DLC1: variants seen among roughly 807,000 people sequenced by gnomAD.
The protein encoded by DLC1 is DLC1 Rho GTPase activating protein.
DLC1 carries 54 observed loss-of-function variants against 140.3 expected under a neutral mutation model. That is an observed-to-expected ratio of 0.38 (90% CI 0.31 to 0.48). The LOEUF is 0.48. DLC1 is among the 20% of genes least tolerant of loss of function. The pLI, the probability that DLC1 is intolerant of heterozygous loss-of-function variation, is 0.96. For missense variants in DLC1, 2,536 were observed against 1,907.0 expected (o/e 1.33, Z -6.14); for synonymous variants, 986 against 728.1 (o/e 1.35, Z -5.70).
intron 5 of DLC1, among the ~76,000 whole-genome samples, chr8:13,240,998 GAGAAGGGGAATAAATCCTGAAGAC>G (rs1829522398): frequency 6.6e-6 from 1 of 152,188 alleles, no homozygotes; most frequent in South Asian, 2.1e-4. Context: ...GGGGTTGAGA[GAGAAGGGGAATAAATCCTGAAGAC>G]AGAAAGGGAG....
At chr8:13,428,410 T>C (rs1838698573) in intron 2 of DLC1, among the ~76,000 whole-genome samples, 1 of 152,234 alleles carries the variant, frequency 6.6e-6, no homozygotes, top group Admixed American at 6.5e-5. Flanking sequence ...AATTCTGTTT[T>C]CTACGATTTT....
intron 2 of DLC1, among the ~76,000 whole-genome samples, chr8:13,438,843 C>T (rs1261817492): frequency 1.3e-5 from 2 of 152,240 alleles, no homozygotes; most frequent in East Asian, 3.9e-4. Context: ...TCAAGAGAAA[C>T]GCAATATCCT....
intron 2 of DLC1, among the ~76,000 whole-genome samples, chr8:13,462,327 G>A (rs1314158528): frequency 6.6e-6 from 1 of 151,904 alleles, no homozygotes; most frequent in Non-Finnish European, 1.5e-5. Flanking sequence ...AAATCCACCT[G>A]GGAACTTTTC....
chr8:13,333,985 T>TG (rs928260985), intron 4 of DLC1, among the ~76,000 whole-genome samples: 1 of 151,990 alleles, frequency 6.6e-6, no homozygotes, highest in African/African-American at 2.4e-5. Context: ...GACCTTCCAG[T>TG]GGGGAAGATT....
chr8:13,428,123 TG>T (rs932196615), intron 2 of DLC1, among the ~76,000 whole-genome samples: 6 of 152,080 alleles, frequency 3.9e-5, no homozygotes, highest in African/African-American at 1.2e-4. Flanking sequence ...TCCAGGCTTT[TG>T]TATGGGCGTG....
intron 2 of DLC1, 103 bp from the exon 3 acceptor site, chr8:13,401,722 G>A (rs1483814086): frequency 5.7e-6 from 8 of 1,413,656 alleles, no homozygotes; most frequent in Non-Finnish European, 7.6e-6. Flanking sequence ...CTGGATAATA[G>A]GCAGTCTTTA....
At chr8:13,214,412 G>A (rs1828093376) in intron 5 of DLC1, 1 of 439,650 alleles carries the variant, frequency 2.3e-6, no homozygotes, top group Non-Finnish European at 4.0e-6. Context: ...CTATTTGCTT[G>A]GTCTGAAGGA....
intron 2 of DLC1, among the ~76,000 whole-genome samples, chr8:13,436,397 T>A (rs1839124177): frequency 6.6e-6 from 1 of 152,242 alleles, no homozygotes; most frequent in African/African-American, 2.4e-5. Flanking sequence ...AGTATTCAAT[T>A]ACCTATCAAG....
intron 5 of DLC1, among the ~76,000 whole-genome samples, chr8:13,133,726 C>A (rs1822338471): frequency 6.6e-6 from 1 of 151,944 alleles, no homozygotes. Flanking sequence ...CCTTGAGCGT[C>A]CCTTCTTTTT....
intron 5 of DLC1, among the ~76,000 whole-genome samples, chr8:13,205,119 A>C (rs1460152895): frequency 1.3e-5 from 2 of 152,138 alleles, no homozygotes. Flanking sequence ...CCAAAAAACT[A>C]CATTGCAAGT....
intron 4 of DLC1, among the ~76,000 whole-genome samples, chr8:13,391,813 C>T (rs1012557618): frequency 2.0e-5 from 3 of 151,738 alleles, no homozygotes; most frequent in South Asian, 2.1e-4. Flanking sequence ...AAAAGAACTG[C>T]CCTGCAGGAT....
intron 2 of DLC1, among the ~76,000 whole-genome samples, chr8:13,470,649 G>C (rs939856515): frequency 6.6e-6 from 1 of 152,146 alleles, no homozygotes; most frequent in African/African-American, 2.4e-5. Context: ...TACACTGTTG[G>C]TGGGAATGCA....
chr8:13,476,378 T>C (rs1468739046), intron 2 of DLC1, among the ~76,000 whole-genome samples: 1 of 152,148 alleles, frequency 6.6e-6, no homozygotes, highest in Non-Finnish European at 1.5e-5. Flanking sequence ...ATTTCAGTAA[T>C]TCGAACATAA....
At chr8:13,280,548 G>C (rs1831329942) in intron 5 of DLC1, among the ~76,000 whole-genome samples, 1 of 152,022 alleles carries the variant, frequency 6.6e-6, no homozygotes, top group African/African-American at 2.4e-5. Flanking sequence ...ATGTATTATT[G>C]ATTTAATGTA....
intron 4 of DLC1, among the ~76,000 whole-genome samples, chr8:13,330,911 A>G (rs900108638): frequency 4.6e-5 from 7 of 152,370 alleles, no homozygotes; most frequent in Non-Finnish European, 8.8e-5. Context: ...CACCCTCTGC[A>G]AAATGTTTAC....
chr8:13,345,686 T>C (rs1354891003), intron 4 of DLC1, among the ~76,000 whole-genome samples: 1 of 149,814 alleles, frequency 6.7e-6, no homozygotes, highest in Non-Finnish European at 1.5e-5. Flanking sequence ...GCCTCCCGAG[T>C]AGCTGGGATT....
chr8:13,318,761 T>C (rs571690381), intron 4 of DLC1, among the ~76,000 whole-genome samples: 1 of 152,340 alleles, frequency 6.6e-6, no homozygotes, highest in South Asian at 2.1e-4. Context: ...AGGTAAGCCA[T>C]GGACACATTT....
chr8:13,264,738 A>G (rs1830615383), intron 5 of DLC1, among the ~76,000 whole-genome samples: 1 of 152,250 alleles, frequency 6.6e-6, no homozygotes, highest in Non-Finnish European at 1.5e-5. Context: ...GGTATTAGTT[A>G]ATTGATAAAC....
At chr8:13,457,165 G>A (rs924143308) in intron 2 of DLC1, among the ~76,000 whole-genome samples, 3 of 152,060 alleles carry the variant, frequency 2.0e-5, no homozygotes, top group Admixed American at 2.0e-4. Context: ...CCTAAATCTA[G>A]CCCTATACCG....
Sources: allele counts gnomAD v4.1 joint callset (sites outside exome capture counted in the v4.1 genomes callset), GRCh38; gene constraint gnomAD v4.1.1; transcripts MANE v1.5; gene names NCBI Gene and HGNC (gene_info 2026-07-23, HGNC 2026-07-21).